Variants in RGS7 observed in about 807,000 individuals in gnomAD.
RGS7 encodes the protein regulator of G-protein signaling 7.
Under a neutral mutation model 81.1 loss-of-function variants are expected in RGS7, and 27 were observed. The ratio of observed to expected loss-of-function variants is 0.33; its 90% CI spans 0.25 to 0.46. The LOEUF (loss-of-function observed/expected upper bound fraction) is 0.46, where lower values mean the gene tolerates loss of function less well. Ranked by LOEUF, RGS7 falls within the 20% of genes least tolerant of loss-of-function variation. The probability of loss-of-function intolerance (pLI) is 1.00; values close to 1 mark genes in which losing one functional copy is unlikely to be tolerated. For missense variants in RGS7, 396 were observed against 607.4 expected, an observed-to-expected ratio of 0.65 and a Z score of 3.66; for synonymous variants, 208 against 207.7, an observed-to-expected ratio of 1.00 and a Z score of -0.01.
chr1:241,103,284 G>C (rs148806247), intron 2 of RGS7, among the ~76,000 whole-genome samples: 1 of 152,144 alleles, frequency 6.6e-6, no homozygotes, highest in African/African-American at 2.4e-5. Flanking sequence ...TGAGTTGTGT[G>C]TTTTCACTTC....
At chr1:241,175,444 T>C (rs2071060554) in intron 2 of RGS7, among the ~76,000 whole-genome samples, 1 of 152,082 alleles carries the variant, frequency 6.6e-6, no homozygotes, top group South Asian at 2.1e-4. Flanking sequence ...ATGAATGGTC[T>C]CCCAGGACTC....
At chr1:241,124,429 A>G (rs1031019412) in intron 2 of RGS7, among the ~76,000 whole-genome samples, 1 of 152,176 alleles carries the variant, frequency 6.6e-6, no homozygotes, top group Non-Finnish European at 1.5e-5. Flanking sequence ...AACAAGAACC[A>G]GAAAATGCAT....
At chr1:241,137,534 G>A (rs1261320344) in intron 2 of RGS7, among the ~76,000 whole-genome samples, 3 of 152,154 alleles carry the variant, frequency 2.0e-5, no homozygotes, top group Non-Finnish European at 4.4e-5. Context: ...GATCCTGAAT[G>A]TTCAACTGCC....
At chr1:240,867,026 T>TAA (rs1663438427) in intron 9 of RGS7, among the ~76,000 whole-genome samples, 1 of 152,082 alleles carries the variant, frequency 6.6e-6, no homozygotes, top group Non-Finnish European at 1.5e-5. Flanking sequence ...ACAAAAAAAA[T>TAA]AAAAATCCTA....
intron 10 of RGS7, among the ~76,000 whole-genome samples, chr1:240,821,588 T>G (rs1691822948): frequency 6.6e-6 from 1 of 152,244 alleles, no homozygotes; most frequent in Admixed American, 6.5e-5. Context: ...CAGTAACACA[T>G]TAAAATTTAA....
intron 2 of RGS7, among the ~76,000 whole-genome samples, chr1:241,341,860 C>T (rs1233783186): frequency 1.3e-5 from 2 of 148,672 alleles, no homozygotes; most frequent in South Asian, 2.1e-4. Flanking sequence ...CAAGTAGACA[C>T]TCTTCAACTC....
At chr1:240,910,346 A>C (rs1671546914) in intron 6 of RGS7, among the ~76,000 whole-genome samples, 1 of 152,200 alleles carries the variant, frequency 6.6e-6, no homozygotes, top group Admixed American at 6.5e-5. Context: ...CAGAAAGTTA[A>C]ATAACGCATG....
intron 2 of RGS7, among the ~76,000 whole-genome samples, chr1:241,268,690 G>T (rs1252699644): frequency 6.6e-6 from 1 of 152,152 alleles, no homozygotes; most frequent in Non-Finnish European, 1.5e-5. Context: ...CTTGCTCTCT[G>T]TGGTATCTAG....
intron 2 of RGS7, among the ~76,000 whole-genome samples, chr1:241,295,418 A>C (rs1311280759): frequency 6.6e-6 from 1 of 151,872 alleles, no homozygotes; most frequent in Non-Finnish European, 1.5e-5. Flanking sequence ...GGGCCTCTGC[A>C]CTCCAGCCTG....
At chr1:241,048,914 C>G (rs920216641) in intron 3 of RGS7, among the ~76,000 whole-genome samples, 2 of 152,190 alleles carry the variant, frequency 1.3e-5, no homozygotes, top group African/African-American at 4.8e-5. Flanking sequence ...CCTGCCTCTT[C>G]CTAGATTCAT....
chr1:241,136,989 T>A (rs1030654571), intron 2 of RGS7, among the ~76,000 whole-genome samples: 2 of 152,200 alleles, frequency 1.3e-5, no homozygotes, highest in Non-Finnish European at 2.9e-5. Context: ...AATTCTATTA[T>A]AAAGCTAATT....
intron 18 of RGS7, among the ~76,000 whole-genome samples, chr1:240,793,611 A>ATATATATATATATTTTTTTTT: frequency 2.5e-5 from 2 of 78,812 alleles, no homozygotes; most frequent in African/African-American, 9.7e-5. Context: ...ATATATATAT[A>ATATATATATATATTTTTTTTT]TTTTTTTTTT....
intron 3 of RGS7, among the ~76,000 whole-genome samples, chr1:241,047,208 T>C (rs925153308): frequency 6.6e-5 from 10 of 152,174 alleles, no homozygotes; most frequent in African/African-American, 2.2e-4. Context: ...CAACCAATGA[T>C]GAAGCACAGC....
chr1:241,294,260 G>C (rs1270469830), intron 2 of RGS7, among the ~76,000 whole-genome samples: 2 of 151,752 alleles, frequency 1.3e-5, no homozygotes, highest in Non-Finnish European at 2.9e-5. Context: ...TGGACACAGG[G>C]AGGGGAACAT....
intron 2 of RGS7, among the ~76,000 whole-genome samples, chr1:241,328,081 A>T (rs2081725642): frequency 6.6e-6 from 1 of 152,170 alleles, no homozygotes; most frequent in South Asian, 2.1e-4. Flanking sequence ...GAAAATTTTT[A>T]TGAAGTCAGG....
intron 2 of RGS7, among the ~76,000 whole-genome samples, chr1:241,182,037 T>C (rs1339386965): frequency 1.3e-5 from 2 of 151,952 alleles, no homozygotes; most frequent in East Asian, 3.9e-4. Flanking sequence ...CCGTGCAGAG[T>C]CACAACCTAT....
chr1:240,790,538 C>T (rs1685818045), intron 18 of RGS7, among the ~76,000 whole-genome samples: 1 of 152,152 alleles, frequency 6.6e-6, no homozygotes, highest in South Asian at 2.1e-4. Context: ...AAGCAATTCA[C>T]TAGTTGTCAT....
Position 241,164,170 on chromosome 1 carries a change from A to G in RGS7, c.79-65408T>C, listed in dbSNP as rs1267484450. ...GGTGAAGAGATGCATAGGGTGAGGT[A>G]TGGAGGAAGGGTTGTGGAGCTTCCA... On this transcript the variant is annotated intron_variant, in intron 2 of 18. Transcript: ENST00000440928. The surrounding 1 kb of genome is among the most constrained non-coding windows in gnomAD (Gnocchi z 4.1). Among the ~76,000 whole-genome samples, 1 of 152,118 alleles carries G rather than the reference A, an allele frequency of 6.6e-6. No individual in the cohort carries two copies. Among genetic ancestry groups the G allele is most frequent in the Non-Finnish European group, 1.5e-5 (1 of 68,026 alleles).
intron 2 of RGS7, among the ~76,000 whole-genome samples, chr1:241,157,786 G>A (rs1275544067): frequency 6.6e-6 from 1 of 150,610 alleles, no homozygotes. Flanking sequence ...AATTTGTAGT[G>A]TCCATAAATA....
Sources: gnomAD v4.1 joint callset for allele counts (sites outside exome capture counted in the v4.1 genomes callset) on GRCh38, gnomAD v4.1.1 for gene constraint, Gnocchi (gnomAD v3.1) non-coding constraint, MANE v1.5 for transcripts, NCBI Gene and HGNC (gene_info 2026-07-23, HGNC 2026-07-21) for gene names.